TSKS: variants seen among roughly 807,000 people sequenced by gnomAD.
The protein encoded by TSKS is testis-specific serine kinase substrate.
In TSKS, 27 loss-of-function variants were observed where a neutral mutation model predicts 68.0. The ratio of observed to expected loss-of-function variants is 0.40; its 90% CI spans 0.29 to 0.55. The LOEUF (loss-of-function observed/expected upper bound fraction) is 0.55, where lower values mean the gene tolerates loss of function less well. Ranked by LOEUF, TSKS falls within the 20% of genes least tolerant of loss-of-function variation. The pLI, the probability that TSKS is intolerant of heterozygous loss-of-function variation, is 0.53. For synonymous variants in TSKS, 331 were observed against 340.4 expected (o/e 0.97, Z 0.30); for missense variants, 806 against 776.0 (o/e 1.04, Z -0.46).
At chr19:49,742,846 G>T (rs779828026) in intron 8 of TSKS, among the ~76,000 whole-genome samples, 14 of 151,976 alleles carry the variant, frequency 9.2e-5, no homozygotes, top group African/African-American at 3.1e-4. Flanking sequence ...TGCAAAGGCC[G>T]TCAAGAACTA....
Position 49,763,107 on chromosome 19 carries a change from C to T in TSKS, c.141G>A (p.Pro47=), listed in dbSNP as rs201584156. 147 of 1,612,472 alleles carry T rather than the reference C, an allele frequency of 9.1e-5. No individual in the cohort carries two copies. The highest frequency in any genetic ancestry group is 6.6e-4 in the Middle Eastern group (4 of 6,052). Residue 47 remains proline (P), a synonymous_variant, in exon 1 of 11, where the codon CCG becomes CCA. Coordinates refer to ENST00000246801, the MANE Select transcript of TSKS (RefSeq NM_021733.2). This position sits in a 1 kb window ranked among gnomAD's most constrained non-coding sequence, Gnocchi z 4.5. ...GGAACGACACGGCCTTCTTTTTCTT[C>T]GGGATCCCCTTGGCCCGGCTGGTCA... ...RRVTSRAKGI[P]KKKKAVSFHG... is the part of the protein sequence containing the mutation.
intron 2 of TSKS, among the ~76,000 whole-genome samples, chr19:49,756,793 C>T (rs1005668910): frequency 3.9e-5 from 6 of 152,202 alleles, no homozygotes; most frequent in Non-Finnish European, 7.3e-5. Flanking sequence ...GTTGTGGTGG[C>T]TCATGCTTGT....
At chr19:49,762,831 C>T (rs2084454941) in intron 1 of TSKS, among the ~76,000 whole-genome samples, 1 of 152,058 alleles carries the variant, frequency 6.6e-6, no homozygotes, top group African/African-American at 2.4e-5. Flanking sequence ...TCCTTCTTCC[C>T]TCCCCACTGG....
chr19:49,745,467 G>C, intron 6 of TSKS, 71 bp from the exon 7 acceptor site: 2 of 1,312,478 alleles, frequency 1.5e-6, no homozygotes, highest in South Asian at 3.0e-5. Context: ...CCACGAGATA[G>C]GTGGGACAGG....
chr19:49,752,965 G>C (rs1791506303), intron 2 of TSKS, among the ~76,000 whole-genome samples: 1 of 152,168 alleles, frequency 6.6e-6, no homozygotes, highest in African/African-American at 2.4e-5. Context: ...CAGGCACACA[G>C]AGTGCCATTT....
intron 2 of TSKS, among the ~76,000 whole-genome samples, chr19:49,753,304 T>G (rs2084365488): frequency 6.6e-6 from 1 of 152,102 alleles, no homozygotes; most frequent in Non-Finnish European, 1.5e-5. Context: ...GGCTCATGCC[T>G]GTAATCCCAG....
chr19:49,747,035 A>T, intron 5 of TSKS: 1 of 1,288,176 alleles, frequency 7.8e-7, no homozygotes, highest in Non-Finnish European at 1.1e-6. Context: ...CCGGCCCTCC[A>T]AGCCCTCCAG....
chr19:49,747,854 G>A (rs1054768349), intron 4 of TSKS, among the ~76,000 whole-genome samples: 5 of 151,982 alleles, frequency 3.3e-5, no homozygotes, highest in African/African-American at 7.3e-5. Flanking sequence ...GATTACAGGC[G>A]CCCGCCACCA....
At chr19:49,740,349 G>A in intron 9 of TSKS, 166 bp from the exon 10 acceptor site, 1 of 779,638 alleles carries the variant, frequency 1.3e-6, no homozygotes, top group Non-Finnish European at 2.0e-6. Context: ...ATCCCACAAT[G>A]CACTGGTCTC....
chr19:49,761,566 G>C (rs989648999), intron 2 of TSKS, among the ~76,000 whole-genome samples: 3 of 152,194 alleles, frequency 2.0e-5, no homozygotes, highest in Non-Finnish European at 4.4e-5. Context: ...ACCCTAGTCT[G>C]TGTCTTTTGC....
At chr19:49,756,614 C>A (rs2084394822) in intron 2 of TSKS, among the ~76,000 whole-genome samples, 1 of 150,320 alleles carries the variant, frequency 6.7e-6, no homozygotes, top group Non-Finnish European at 1.5e-5. Context: ...AAGAAAGGAA[C>A]TTCCTCATCC....
At chr19:49,751,243 G>A (rs1179717751) in intron 2 of TSKS, among the ~76,000 whole-genome samples, 1 of 142,896 alleles carries the variant, frequency 7.0e-6, no homozygotes, top group Non-Finnish European at 1.5e-5. Context: ...GGCGGAGGTT[G>A]CAGAGAGCCT....
chr19:49,746,226 C>A (rs963627068), intron 6 of TSKS, among the ~76,000 whole-genome samples: 7 of 152,066 alleles, frequency 4.6e-5, no homozygotes, highest in South Asian at 4.2e-4. Flanking sequence ...AGGAACCTCC[C>A]CTGTGTCCCC....
intron 5 of TSKS, 164 bp downstream of exon 5, chr19:49,747,225 T>G: frequency 6.5e-7 from 1 of 1,540,650 alleles, no homozygotes; most frequent in Non-Finnish European, 8.7e-7. Context: ...TGTTGGAGCC[T>G]CATTTGAATC....
rs1049048999 is a variant in TSKS, at chr19:49,744,156, A to T, written c.1361+75T>A. The T allele has an allele frequency of 8.0e-6, 12 of 1,494,200 alleles. No individual in the cohort carries two copies. In the South Asian group the frequency reaches 1.3e-4, roughly 16 times the overall value. The allele number at this position is 1,494,200 out of a possible 1,614,324, so 92.6% of individuals were successfully genotyped here. On this transcript the variant is annotated intron_variant, in intron 8 of 10. Transcript: ENST00000246801. ...AATGAACAGCGCCCCACCCTTCACT[A>T]ATGTCCCATCTCCTTCCGCATCTCC...
chr19:49,743,598 C>T (rs1041205048), intron 8 of TSKS, among the ~76,000 whole-genome samples: 9 of 148,986 alleles, frequency 6.0e-5, no homozygotes, highest in Non-Finnish European at 1.0e-4. Flanking sequence ...CCCGGATTTA[C>T]GCCATTCTCC....
At chr19:49,750,297 T>C (rs918748520) in intron 2 of TSKS, among the ~76,000 whole-genome samples, 20 of 151,682 alleles carry the variant, frequency 1.3e-4, no homozygotes, top group Admixed American at 1.3e-3. Context: ...TCTTGCTCTT[T>C]TGTCAGGCTG....
intron 2 of TSKS, among the ~76,000 whole-genome samples, chr19:49,759,106 C>T (rs1020257090): frequency 6.6e-6 from 1 of 151,980 alleles, no homozygotes; most frequent in African/African-American, 2.4e-5. Context: ...ATCTGCCTGC[C>T]TCAGCCTCCC....
chr19:49,748,968 C>T (rs577059052), intron 2 of TSKS, among the ~76,000 whole-genome samples: 1 of 152,138 alleles, frequency 6.6e-6, no homozygotes, highest in African/African-American at 2.4e-5. Flanking sequence ...GAGGCTGAGG[C>T]AGGAGAATTG....
Sources: allele counts gnomAD v4.1 joint callset (sites outside exome capture counted in the v4.1 genomes callset), GRCh38; gene constraint gnomAD v4.1.1; non-coding constraint Gnocchi (gnomAD v3.1); transcripts MANE v1.5; gene names NCBI Gene and HGNC (gene_info 2026-07-23, HGNC 2026-07-21).